The following CHIC1 variants were observed in gnomAD, a reference collection of about 807,000 sequenced individuals.
CHIC1 encodes the protein cysteine rich hydrophobic domain 1.
Under a neutral mutation model 18.5 loss-of-function variants are expected in CHIC1, and 7 were observed. The ratio of observed to expected loss-of-function variants is 0.38; its 90% confidence interval spans 0.22 to 0.71. The LOEUF is 0.71. CHIC1 is among the 30% of genes least tolerant of loss of function. The probability of loss-of-function intolerance (pLI) is 0.49; values close to 1 mark genes in which losing one functional copy is unlikely to be tolerated. For synonymous variants in CHIC1, 77 were observed against 73.5 expected (o/e 1.05, Z -0.25); for missense variants, 159 against 176.9 (o/e 0.90, Z 0.57).
intron 3 of CHIC1, among the ~76,000 whole-genome samples, chrX:73,607,945 A>G (rs966760823): frequency 1.8e-5 from 2 of 109,144 alleles, no homozygotes; most frequent in African/African-American, 3.6e-5. Flanking sequence ...CCATCTTGCC[A>G]GCTACTCCTT....
intron 3 of CHIC1, among the ~76,000 whole-genome samples, chrX:73,596,922 AC>A (rs2057612009): frequency 8.9e-6 from 1 of 112,011 alleles, no homozygotes; most frequent in Non-Finnish European, 1.9e-5. Flanking sequence ...AAACCATAAA[AC>A]CCTAGAAGAA....
chrX:73,591,511 T>C (rs2147557228), intron 3 of CHIC1, among the ~76,000 whole-genome samples: 1 of 112,000 alleles, frequency 8.9e-6, no homozygotes, highest in South Asian at 3.7e-4. Flanking sequence ...TCTCTCAGCC[T>C]GTGGTTTGTC....
At chrX:73,613,430 C>T (rs1363832214) in intron 3 of CHIC1, among the ~76,000 whole-genome samples, 1 of 110,554 alleles carries the variant, frequency 9.0e-6, no homozygotes, top group African/African-American at 3.3e-5. Flanking sequence ...TGGTACCTCC[C>T]TTTCCACTCT....
At chrX:73,661,002 C>CT (rs757278539) in intron 3 of CHIC1, among the ~76,000 whole-genome samples, 15 of 111,560 alleles carry the variant, frequency 1.3e-4, no homozygotes, top group Admixed American at 1.1e-3. Context: ...CATAGTCCTC[C>CT]TTTTTTGTTT....
At chrX:73,570,477 A>G (rs2057465350) in intron 1 of CHIC1, among the ~76,000 whole-genome samples, 1 of 111,373 alleles carries the variant, frequency 9.0e-6, no homozygotes, top group African/African-American at 3.3e-5. Flanking sequence ...AGGTGCAAAT[A>G]TGATACCAAG....
intron 3 of CHIC1, among the ~76,000 whole-genome samples, chrX:73,594,326 A>G (rs2057596787): frequency 9.0e-6 from 1 of 110,614 alleles, no homozygotes; most frequent in South Asian, 3.8e-4. Context: ...ACCTGCTATC[A>G]TGCCCGGCTA....
intron 3 of CHIC1, among the ~76,000 whole-genome samples, chrX:73,590,339 A>C (rs751034676): frequency 2.5e-4 from 27 of 109,715 alleles, no homozygotes; most frequent in Non-Finnish European, 2.1e-4. Context: ...AGGTTTACAG[A>C]AAAAAAAATG....
chrX:73,628,691 G>C (rs765388334), intron 3 of CHIC1, among the ~76,000 whole-genome samples: 1 of 111,196 alleles, frequency 9.0e-6, no homozygotes, highest in South Asian at 3.9e-4. Flanking sequence ...TGTGATTCTG[G>C]AGTGTTTTTT....
intron 3 of CHIC1, among the ~76,000 whole-genome samples, chrX:73,657,183 T>C (rs184152546): frequency 0.038 from 4,129 of 108,208 alleles, 95 homozygotes; most frequent in Non-Finnish European, 0.062. Context: ...CCTCAGCCTC[T>C]GGAGCAGCTG....
intron 1 of CHIC1, among the ~76,000 whole-genome samples, chrX:73,564,089 T>G (rs1004090186): frequency 1.8e-5 from 2 of 112,063 alleles, no homozygotes; most frequent in African/African-American, 3.3e-5. Context: ...GAATCCTTCC[T>G]TATATATCAC....
chrX:73,655,618 GTA>G (rs747856030), intron 3 of CHIC1, among the ~76,000 whole-genome samples: 2,584 of 64,174 alleles, frequency 0.04, 229 homozygotes, highest in African/African-American at 0.1. Flanking sequence ...TATAGTGTGT[GTA>G]TATATATATA....
intron 3 of CHIC1, among the ~76,000 whole-genome samples, chrX:73,602,416 C>A (rs1286323452): frequency 9.2e-6 from 1 of 108,453 alleles, no homozygotes; most frequent in South Asian, 3.8e-4. Flanking sequence ...TGGAGATTAG[C>A]CCTTTTTCAG....
intron 3 of CHIC1, among the ~76,000 whole-genome samples, chrX:73,668,220 T>C (rs2058013422): frequency 8.9e-6 from 1 of 112,065 alleles, no homozygotes; most frequent in African/African-American, 3.2e-5. Context: ...TGTCAGTTAT[T>C]TTCCTCTCTA....
intron 3 of CHIC1, among the ~76,000 whole-genome samples, chrX:73,665,949 C>T (rs771400088): frequency 6.5e-4 from 72 of 111,531 alleles, no homozygotes; most frequent in Non-Finnish European, 1.1e-3. Flanking sequence ...TTAACATGGT[C>T]GCCCCCTTGG....
chrX:73,686,631 C>G lies in CHIC1; in HGVS notation c.*5626C>G, dbSNP rs1344768234. 9.0e-6 allele frequency: 1 copy of G among 111,385 alleles called. No homozygotes were observed. The highest frequency in any genetic ancestry group is 1.9e-5 in the Non-Finnish European group (1 of 52,909). 9.2% of individuals were successfully genotyped at this position (111,385 alleles called of 1,213,427 possible). A position where few individuals can be genotyped will look rare whatever the true frequency, so the allele number is the denominator to read the frequency against. ...GTGTAAAATTGTTTTAATGCCTGGA[C>G]TTTGAAACAAGTAACAAGTGTTTGA... is the stretch of plus-strand genomic sequence containing the variant. On this transcript the variant is annotated 3_prime_UTR_variant, in exon 6 of 6. Coordinates refer to ENST00000373502, the MANE Select transcript of CHIC1 (RefSeq NM_001039840.4).
chrX:73,584,025 T>G (rs1366722223), intron 2 of CHIC1, among the ~76,000 whole-genome samples: 1 of 111,164 alleles, frequency 9.0e-6, no homozygotes, highest in Non-Finnish European at 1.9e-5. Flanking sequence ...TCTAGTAGTA[T>G]TTGGGTTTTT....
intron 1 of CHIC1, among the ~76,000 whole-genome samples, 167 bp from the exon 2 acceptor site, chrX:73,577,240 T>C (rs1480564836): frequency 1.8e-5 from 2 of 110,533 alleles, no homozygotes; most frequent in African/African-American, 6.5e-5. Flanking sequence ...TTTGGATTAA[T>C]AATCAAAGAT....
At chrX:73,675,140 G>A (rs770606482) in intron 3 of CHIC1, among the ~76,000 whole-genome samples, 32 of 111,893 alleles carry the variant, frequency 2.9e-4, no homozygotes, top group African/African-American at 1.0e-3. Context: ...TTGCTGAGGA[G>A]TGCTTTACTT....
chrX:73,599,312 G>A (rs1475037339), intron 3 of CHIC1, among the ~76,000 whole-genome samples: 1 of 102,011 alleles, frequency 9.8e-6, no homozygotes, highest in Non-Finnish European at 1.9e-5. Flanking sequence ...AGTTTCTTTT[G>A]CTGTGCAGAA....
Sources: gnomAD v4.1 joint callset for allele counts (sites outside exome capture counted in the v4.1 genomes callset) on GRCh38, gnomAD v4.1.1 for gene constraint, MANE v1.5 for transcripts, NCBI Gene and HGNC (gene_info 2026-07-23, HGNC 2026-07-21) for gene names.